HHAT: variants seen among roughly 807,000 people sequenced by gnomAD.
The protein encoded by HHAT is hedgehog acyltransferase.
HHAT carries 47 observed loss-of-function variants against 70.8 expected under a neutral mutation model. That is an observed-to-expected ratio of 0.66 (90% confidence interval 0.53 to 0.85). HHAT has a LOEUF of 0.85. Among genes scored for constraint, HHAT ranks in the 40% least tolerant of loss-of-function variants. The probability of loss-of-function intolerance (pLI) is 0.00; values close to 1 mark genes in which losing one functional copy is unlikely to be tolerated. For missense variants in HHAT, 609 were observed against 604.8 expected (o/e 1.01, Z -0.07); for synonymous variants, 228 against 247.6 (o/e 0.92, Z 0.74).
chr1:210,336,287 A>AT lies in HHAT; in HGVS notation c.-44+7206dup, dbSNP rs541795412. On this transcript the variant is annotated intron_variant, in intron 1 of 11. Coordinates refer to ENST00000261458, the MANE Select transcript of HHAT (RefSeq NM_018194.6). ...AGGCATGCACCACTGTGCCTGGCTA[A>AT]TTTTTTTTTTTTTTTTTTTTTTTAG... is the stretch of plus-strand genomic sequence containing the variant. Among the ~76,000 whole-genome samples the AT allele has an allele frequency of 4.4e-3, 372 of 84,594 alleles. 31 individuals are homozygous for AT. The highest frequency in any genetic ancestry group is 5.6e-3 in the Non-Finnish European group (239 of 42,330). The allele number at this position is 84,594 out of a possible 152,430, so 55.5% of individuals were successfully genotyped here.
chr1:210,634,795 G>A (rs748235993), intron 11 of HHAT, among the ~76,000 whole-genome samples: 1 of 152,120 alleles, frequency 6.6e-6, no homozygotes, highest in Admixed American at 6.5e-5. Context: ...CATGACTTTT[G>A]GATTGCAATA....
intron 3 of HHAT, among the ~76,000 whole-genome samples, chr1:210,369,394 C>T (rs1263476011): frequency 1.3e-5 from 2 of 152,162 alleles, no homozygotes; most frequent in East Asian, 1.9e-4. Context: ...AGCTTGAATA[C>T]GAATGACTAT....
intron 1 of HHAT, among the ~76,000 whole-genome samples, chr1:210,329,640 C>T (rs970939421): frequency 1.4e-4 from 22 of 152,214 alleles, no homozygotes; most frequent in African/African-American, 4.6e-4. Flanking sequence ...AAATGTGCTG[C>T]TACCTGTGTA....
intron 1 of HHAT, among the ~76,000 whole-genome samples, chr1:210,336,287 ATTTTTTTTTTT>A (rs541795412): frequency 1.2e-5 from 1 of 84,608 alleles, no homozygotes. Flanking sequence ...TGCCTGGCTA[ATTTTTTTTTTT>A]TTTTTTTTTT....
intron 7 of HHAT, among the ~76,000 whole-genome samples, chr1:210,458,901 G>T (rs1405523782): frequency 6.6e-6 from 1 of 152,188 alleles, no homozygotes; most frequent in Non-Finnish European, 1.5e-5. Flanking sequence ...GGGTAGGTAT[G>T]TATGTCAATC....
In HHAT at chr1:210,629,827, GTT is replaced by G. The variant is rs11356413; in HGVS notation, c.1390+6166_1390+6167del. ...TGTCTTGCTGTCTCCTCCTGTTTCT[GTT>G]TTTTTTTTGTTTTTTGTTTTTTGTT... On this transcript the variant is annotated intron_variant, in intron 11 of 11. Transcript: ENST00000261458. 7.3e-3 allele frequency among the ~76,000 whole-genome samples: 1,073 copies of G among 147,692 alleles called. 13 individuals carry two copies. The highest frequency in any genetic ancestry group is 0.025 in the African/African-American group (1,022 of 40,106).
chr1:210,458,809 T>G (rs1020571374), intron 7 of HHAT, among the ~76,000 whole-genome samples: 2 of 152,096 alleles, frequency 1.3e-5, no homozygotes, highest in Non-Finnish European at 2.9e-5. Flanking sequence ...AGGAGGGTGA[T>G]CAGCCACATG....
chr1:210,452,038 G>T (rs921472163), intron 7 of HHAT, among the ~76,000 whole-genome samples: 2 of 152,112 alleles, frequency 1.3e-5, no homozygotes, highest in East Asian at 3.9e-4. Flanking sequence ...AAGGTGTTTA[G>T]GACCAGATGA....
At chr1:210,365,604 C>T (rs2088867177) in intron 3 of HHAT, among the ~76,000 whole-genome samples, 1 of 151,706 alleles carries the variant, frequency 6.6e-6, no homozygotes, top group Non-Finnish European at 1.5e-5. Context: ...AGGTGTGGGC[C>T]ACCATGCCTG....
intron 6 of HHAT, among the ~76,000 whole-genome samples, chr1:210,415,558 CTGT>C (rs1387659220): frequency 6.6e-6 from 1 of 152,194 alleles, no homozygotes; most frequent in Non-Finnish European, 1.5e-5. Flanking sequence ...AAAGCAATTA[CTGT>C]TGTTTCTTAA....
chr1:210,568,962 C>T (rs1655444516), intron 9 of HHAT, among the ~76,000 whole-genome samples: 1 of 152,116 alleles, frequency 6.6e-6, no homozygotes, highest in Non-Finnish European at 1.5e-5. Context: ...CTGACCCTAT[C>T]TCCAGGTAGA....
At chr1:210,556,788 T>A (rs748668713) in intron 9 of HHAT, among the ~76,000 whole-genome samples, 5 of 152,158 alleles carry the variant, frequency 3.3e-5, no homozygotes, top group African/African-American at 4.8e-5. Context: ...GACCACAGAT[T>A]TCACCCCTAA....
intron 8 of HHAT, among the ~76,000 whole-genome samples, chr1:210,477,492 C>G (rs1043374623): frequency 2.6e-5 from 4 of 152,010 alleles, no homozygotes; most frequent in African/African-American, 9.7e-5. Context: ...GGAGGATTGC[C>G]CACCTGATGT....
intron 4 of HHAT, among the ~76,000 whole-genome samples, chr1:210,388,846 T>C (rs2091264414): frequency 6.6e-6 from 1 of 152,192 alleles, no homozygotes; most frequent in Non-Finnish European, 1.5e-5. Flanking sequence ...CTTATTACCA[T>C]AAGTCTCAGT....
intron 9 of HHAT, among the ~76,000 whole-genome samples, chr1:210,579,773 C>A (rs927505080): frequency 6.6e-6 from 1 of 152,126 alleles, no homozygotes; most frequent in African/African-American, 2.4e-5. Flanking sequence ...TGTTTTCTAG[C>A]GGCAAATGTG....
At chr1:210,381,576 C>A (rs112101356) in intron 3 of HHAT, among the ~76,000 whole-genome samples, 1 of 152,134 alleles carries the variant, frequency 6.6e-6, no homozygotes, top group South Asian at 2.1e-4. Flanking sequence ...CTACTGCACC[C>A]GGCCTCAAAT....
intron 8 of HHAT, among the ~76,000 whole-genome samples, chr1:210,466,147 G>A (rs118126607): frequency 1.4e-5 from 2 of 147,892 alleles, no homozygotes; most frequent in African/African-American, 2.7e-5. Flanking sequence ...GCAAGGAATC[G>A]CAAGGAATTG....
At chr1:210,447,332 G>T (rs2093655177) in intron 7 of HHAT, among the ~76,000 whole-genome samples, 1 of 152,182 alleles carries the variant, frequency 6.6e-6, no homozygotes, top group Non-Finnish European at 1.5e-5. Flanking sequence ...AATTACAGGA[G>T]ACTACCATAG....
intron 9 of HHAT, among the ~76,000 whole-genome samples, chr1:210,586,466 C>T (rs916621565): frequency 6.6e-6 from 1 of 152,124 alleles, no homozygotes; most frequent in Non-Finnish European, 1.5e-5. Context: ...CTGTTGAAAA[C>T]ATTTTGAATA....
Sources: allele counts gnomAD v4.1 joint callset (sites outside exome capture counted in the v4.1 genomes callset), GRCh38; gene constraint gnomAD v4.1.1; transcripts MANE v1.5; gene names NCBI Gene and HGNC (gene_info 2026-07-23, HGNC 2026-07-21).